CAMK1D: variants seen among roughly 807,000 people sequenced by gnomAD.
CAMK1D encodes the protein calcium/calmodulin-dependent protein kinase type 1D.
CAMK1D carries 9 observed loss-of-function variants against 47.7 expected under a neutral mutation model. The observed-to-expected ratio is 0.19, with a 90% CI of 0.11 to 0.33. CAMK1D has a LOEUF of 0.33. Among genes scored for constraint, CAMK1D ranks in the 10% least tolerant of loss-of-function variants. CAMK1D has a pLI of 1.00. For missense variants in CAMK1D, 291 were observed against 488.7 expected (o/e 0.60, Z 3.81); for synonymous variants, 184 against 184.9 (o/e 0.99, Z 0.04).
chr10:12,361,707 C>A (rs1837670544), intron 1 of CAMK1D, among the ~76,000 whole-genome samples: 1 of 151,566 alleles, frequency 6.6e-6, no homozygotes, highest in African/African-American at 2.4e-5. Context: ...AGGCGCCCAC[C>A]ACCACGCCTG....
rs1344032292 is a variant in CAMK1D, at chr10:12,833,408, A to G, written c.*4521A>G. 1.3e-5 allele frequency: 2 copies of G among 152,230 alleles called. No individual in the cohort carries two copies. Among genetic ancestry groups the G allele is most frequent in the African/African-American group, 4.8e-5 (2 of 41,464 alleles). The allele number at this position is 152,230 out of a possible 1,614,324, so 9.4% of individuals were successfully genotyped here. On this transcript the variant is annotated 3_prime_UTR_variant, in exon 11 of 11. Transcript: ENST00000619168. ...CCTGATTAACCCACTGGGGCTTGCT[A>G]TTTTATGAGCATTTTTAAACAGAAA...
At chr10:12,751,054 AAGATAAGAT>A (rs1420924082) in intron 3 of CAMK1D, among the ~76,000 whole-genome samples, 2 of 248 alleles carry the variant, frequency 8.1e-3, no homozygotes, top group East Asian at 0.053. Flanking sequence ...CTCCCCCAAT[AAGATAAGAT>A]AAGATAAGAT....
chr10:12,605,220 C>T (rs1295927006), intron 2 of CAMK1D, among the ~76,000 whole-genome samples: 1 of 152,104 alleles, frequency 6.6e-6, no homozygotes. Context: ...GAGAAAATAA[C>T]AGGCCTGGCT....
chr10:12,568,937 T>A (rs1837229979), intron 2 of CAMK1D, among the ~76,000 whole-genome samples: 1 of 152,226 alleles, frequency 6.6e-6, no homozygotes, highest in African/African-American at 2.4e-5. Context: ...AAAAAGATAA[T>A]ATGCCTCTTT....
intron 1 of CAMK1D, among the ~76,000 whole-genome samples, chr10:12,443,098 C>T (rs1288277425): frequency 6.6e-6 from 1 of 152,070 alleles, no homozygotes; most frequent in East Asian, 1.9e-4. Context: ...ACTGAGCTCT[C>T]AGAAATATAT....
intron 1 of CAMK1D, among the ~76,000 whole-genome samples, chr10:12,377,275 A>G (rs1838213341): frequency 1.3e-5 from 2 of 152,232 alleles, no homozygotes; most frequent in Non-Finnish European, 2.9e-5. Context: ...AAAAAAGTGT[A>G]TGATCTTTAT....
chr10:12,383,890 C>T (rs1230436861), intron 1 of CAMK1D, among the ~76,000 whole-genome samples: 1 of 152,014 alleles, frequency 6.6e-6, no homozygotes, highest in African/African-American at 2.4e-5. Context: ...AAAAGGTATC[C>T]AGATTGTAAA....
intron 1 of CAMK1D, among the ~76,000 whole-genome samples, chr10:12,387,434 TTATA>T (rs1269063272): frequency 2.0e-5 from 1 of 49,520 alleles, no homozygotes; most frequent in African/African-American, 6.9e-5. Flanking sequence ...ATTTTATATA[TTATA>T]TATATTTTAT....
At chr10:12,581,906 A>G (rs1181029318) in intron 2 of CAMK1D, among the ~76,000 whole-genome samples, 1 of 151,996 alleles carries the variant, frequency 6.6e-6, no homozygotes. Context: ...AGTCCCATCT[A>G]TTTATCTTTG....
At chr10:12,787,138 G>A (rs80017177) in intron 5 of CAMK1D, among the ~76,000 whole-genome samples, 1 of 40,582 alleles carries the variant, frequency 2.5e-5, no homozygotes, top group East Asian at 3.0e-3. Flanking sequence ...AAAAAAAGAA[G>A]AAGAAGAAGA....
intron 6 of CAMK1D, among the ~76,000 whole-genome samples, chr10:12,806,450 T>C (rs1317715603): frequency 1.3e-5 from 2 of 152,222 alleles, no homozygotes; most frequent in East Asian, 3.9e-4. Flanking sequence ...TGATTACCTG[T>C]CAGACTGCTC....
intron 1 of CAMK1D, among the ~76,000 whole-genome samples, chr10:12,418,964 A>G (rs1839950900): frequency 6.6e-6 from 1 of 152,198 alleles, no homozygotes; most frequent in African/African-American, 2.4e-5. Context: ...GTGTGTCCGA[A>G]GCCGTTGCTC....
chr10:12,602,001 C>G (rs1318788546), intron 2 of CAMK1D, among the ~76,000 whole-genome samples: 1 of 152,204 alleles, frequency 6.6e-6, no homozygotes, highest in African/African-American at 2.4e-5. Flanking sequence ...TGGAACCACT[C>G]ATAGTAGATG....
At chr10:12,713,232 G>A (rs776305298) in intron 3 of CAMK1D, among the ~76,000 whole-genome samples, 3 of 152,238 alleles carry the variant, frequency 2.0e-5, no homozygotes, top group South Asian at 2.1e-4. Context: ...CACCAGGCCC[G>A]GCTAATTTTT....
At chr10:12,593,326 A>G (rs750908564) in intron 2 of CAMK1D, among the ~76,000 whole-genome samples, 1 of 152,212 alleles carries the variant, frequency 6.6e-6, no homozygotes, top group African/African-American at 2.4e-5. Context: ...GCGCTGACTC[A>G]TGCCTGTAAT....
intron 2 of CAMK1D, among the ~76,000 whole-genome samples, chr10:12,630,093 C>T (rs192642116): frequency 5.0e-4 from 76 of 152,248 alleles, no homozygotes; most frequent in African/African-American, 1.7e-3. Context: ...GACGAGATGG[C>T]CTCTACAGTT....
intron 3 of CAMK1D, among the ~76,000 whole-genome samples, chr10:12,748,902 A>T (rs1449469443): frequency 6.6e-6 from 1 of 152,190 alleles, no homozygotes; most frequent in Non-Finnish European, 1.5e-5. Context: ...TGAGTGACAG[A>T]GTGCTTTGAT....
chr10:12,499,527 C>CA (rs1485824912), intron 1 of CAMK1D, among the ~76,000 whole-genome samples: 2 of 152,178 alleles, frequency 1.3e-5, no homozygotes, highest in African/African-American at 4.8e-5. Flanking sequence ...GATTTCCCCC[C>CA]AGATCCGAAT....
intron 3 of CAMK1D, among the ~76,000 whole-genome samples, chr10:12,716,003 G>T (rs1369188985): frequency 2.6e-5 from 4 of 151,992 alleles, no homozygotes; most frequent in African/African-American, 9.7e-5. Flanking sequence ...GAGCCACTGC[G>T]CCCGGCCCAT....
Sources: allele counts gnomAD v4.1 joint callset (sites outside exome capture counted in the v4.1 genomes callset), GRCh38; gene constraint gnomAD v4.1.1; transcripts MANE v1.5; gene names NCBI Gene and HGNC (gene_info 2026-07-23, HGNC 2026-07-21).